SPATA6L: variants seen among roughly 807,000 people sequenced by gnomAD.
SPATA6L encodes spermatogenesis associated 6 like, also known as spermatogenesis associated 6-like protein.
Under a neutral mutation model 49.2 loss-of-function variants are expected in SPATA6L, and 68 were observed. That is an observed-to-expected ratio of 1.38 (90% CI 1.14 to 1.69). The LOEUF is 1.69. SPATA6L is among the 40% of genes most tolerant of loss of function. The pLI is 0.00. For missense variants in SPATA6L, 668 were observed against 464.3 expected, an observed-to-expected ratio of 1.44 and a Z score of -4.03; for synonymous variants, 198 against 165.7, an observed-to-expected ratio of 1.19 and a Z score of -1.50.
Position 4,635,380 on chromosome 9 carries a change from G to C in SPATA6L, c.246C>G (p.Tyr82Ter). 6.3e-7 allele frequency: 1 copy of C among 1,590,606 alleles called. No homozygotes were observed. Among genetic ancestry groups the C allele is most frequent in the Non-Finnish European group, 8.5e-7 (1 of 1,172,268 alleles). Reference sequence around the variant, plus strand: ...GAAAATCTCGTGTGTTTTCTTCGTAGTAGGCCAACTCATCCCACACTAGAA... The same window carrying C: ...GAAAATCTCGTGTGTTTTCTTCGTACTAGGCCAACTCATCCCACACTAGAA... ...DLLEMWDELA[Y>*]YEENTRDFLF... is the part of the protein sequence containing the mutation. Residue 82 changes from tyrosine to a stop codon, truncating the protein, a stop_gained, in exon 4 of 12, where the codon TAC (tyrosine) becomes TAG (stop). Coordinates refer to ENST00000682582, the MANE Select transcript of SPATA6L (RefSeq NM_001353486.2). LOFTEE classifies it high-confidence loss of function.
intron 2 of SPATA6L, 48 bp from the exon 3 acceptor site, chr9:4,656,137 G>A (rs1838120866): frequency 6.5e-7 from 1 of 1,529,540 alleles, no homozygotes; most frequent in Admixed American, 1.7e-5. Context: ...GTATTAATAA[G>A]CGCATATAGA....
At chr9:4,622,347 A>T in intron 7 of SPATA6L, 61 bp downstream of exon 7, 1 of 968,992 alleles carries the variant, frequency 1.0e-6, no homozygotes, top group Non-Finnish European at 1.7e-6. Context: ...ATGAAAGAGT[A>T]TACTCAGGAC....
intron 9 of SPATA6L, among the ~76,000 whole-genome samples, chr9:4,612,328 T>G (rs1334095728): frequency 6.6e-6 from 1 of 152,198 alleles, no homozygotes; most frequent in Non-Finnish European, 1.5e-5. Context: ...TCATTTACTT[T>G]AGGCCACCCA....
chr9:4,659,532 CACAA>C (rs1291262141), intron 2 of SPATA6L, among the ~76,000 whole-genome samples: 1 of 152,006 alleles, frequency 6.6e-6, no homozygotes, highest in Non-Finnish European at 1.5e-5. Flanking sequence ...AAAAAGAGGA[CACAA>C]ACAAACGGAA....
At chr9:4,621,293 G>A (rs919933229) in intron 7 of SPATA6L, among the ~76,000 whole-genome samples, 2 of 152,214 alleles carry the variant, frequency 1.3e-5, no homozygotes, top group Non-Finnish European at 2.9e-5. Flanking sequence ...GACTCTCAAT[G>A]TGTGGTCCAG....
At chr9:4,644,850 A>G (rs1408013101) in intron 3 of SPATA6L, among the ~76,000 whole-genome samples, 1 of 152,188 alleles carries the variant, frequency 6.6e-6, no homozygotes, top group Non-Finnish European at 1.5e-5. Context: ...CTCAAGACAC[A>G]CTGCATAGCA....
intron 3 of SPATA6L, among the ~76,000 whole-genome samples, chr9:4,647,486 G>A (rs920793444): frequency 1.3e-5 from 2 of 152,094 alleles, no homozygotes; most frequent in African/African-American, 4.8e-5. Context: ...CAGCTACTCG[G>A]GAGGCTGAGG....
chr9:4,630,995 T>A (rs960971082), intron 4 of SPATA6L, among the ~76,000 whole-genome samples: 8 of 152,196 alleles, frequency 5.3e-5, no homozygotes, highest in African/African-American at 1.9e-4. Flanking sequence ...TGCAGCTGCC[T>A]AATAGATTTT....
At chr9:4,657,527 G>C (rs1563721371) in intron 2 of SPATA6L, among the ~76,000 whole-genome samples, 1 of 150,856 alleles carries the variant, frequency 6.6e-6, no homozygotes, top group Non-Finnish European at 1.5e-5. Context: ...TTTGAGCACA[G>C]AAACTGTTTT....
rs978697468 is a variant in SPATA6L, at chr9:4,627,578, C to T, written c.429+1513G>A. 6.1e-5 allele frequency: 25 copies of T among 410,094 alleles called. 1 individual carries two copies. Among genetic ancestry groups the T allele is most frequent in the South Asian group, 4.7e-4 (23 of 48,448 alleles). The allele number at this position is 410,094 out of a possible 1,614,324, so 25.4% of individuals were successfully genotyped here. The stretch of plus-strand genomic sequence containing the variant: ...TATTTGGAGAAGCTTCACAAACTAC[C>T]TTTATTCCTTCTCCATCTTGTTCTA... On this transcript the variant is annotated intron_variant, in intron 5 of 11. Coordinates refer to ENST00000682582, the MANE Select transcript of SPATA6L (RefSeq NM_001353486.2).
At chr9:4,605,686 T>G (rs918493111) in intron 9 of SPATA6L, among the ~76,000 whole-genome samples, 1 of 152,226 alleles carries the variant, frequency 6.6e-6, no homozygotes, top group Non-Finnish European at 1.5e-5. Flanking sequence ...AGTGATTCTT[T>G]TCTTCTTTGT....
intron 5 of SPATA6L, 116 bp from the exon 6 acceptor site, chr9:4,625,682 C>T (rs1830216824): frequency 1.1e-5 from 7 of 636,220 alleles, no homozygotes; most frequent in South Asian, 4.1e-5. Context: ...AGATAACACA[C>T]CTCAGATTTA....
At chr9:4,601,396 G>A (rs912855328) in intron 11 of SPATA6L, among the ~76,000 whole-genome samples, 10 of 150,222 alleles carry the variant, frequency 6.7e-5, no homozygotes, top group Non-Finnish European at 1.5e-4. Context: ...TTTTTTGGAT[G>A]TTTGGTTTTT....
chr9:4,634,784 C>G (rs889209579), intron 4 of SPATA6L, among the ~76,000 whole-genome samples: 4 of 152,104 alleles, frequency 2.6e-5, no homozygotes, highest in East Asian at 1.9e-4. Flanking sequence ...AAATTATCAA[C>G]GGAATATCTG....
In SPATA6L at chr9:4,662,633, G is replaced by A; in HGVS notation, c.40-597C>T. 2 of 1,598,100 alleles carry A rather than the reference G, an allele frequency of 1.3e-6. No homozygotes were observed. Among genetic ancestry groups the A allele is most frequent in the Non-Finnish European group, 8.5e-7 (1 of 1,179,312 alleles). Reference sequence around the variant, plus strand: ...CCTCGCAGTCGCCCGCGCCTCCGCTGCCCGAGGAGGACCGCATGGACTTGA... The same window carrying A: ...CCTCGCAGTCGCCCGCGCCTCCGCTACCCGAGGAGGACCGCATGGACTTGA... On this transcript the variant is annotated intron_variant, in intron 1 of 11. Coordinates refer to ENST00000682582, the MANE Select transcript of SPATA6L (RefSeq NM_001353486.2). The surrounding 1 kb of genome is among the most constrained non-coding windows in gnomAD (Gnocchi z 4.9).
intron 1 of SPATA6L, chr9:4,663,534 G>T (rs964258268): frequency 5.1e-6 from 2 of 393,656 alleles, no homozygotes; most frequent in South Asian, 5.9e-5. Flanking sequence ...CAACTGCAAA[G>T]AAAACAAGCT....
intron 8 of SPATA6L, among the ~76,000 whole-genome samples, chr9:4,618,330 G>C (rs1828491128): frequency 6.6e-6 from 1 of 151,970 alleles, no homozygotes; most frequent in South Asian, 2.1e-4. Flanking sequence ...CTGTATGTTT[G>C]GGATATATTA....
At chr9:4,617,689 A>G (rs373408987) in intron 9 of SPATA6L, among the ~76,000 whole-genome samples, 16 of 152,236 alleles carry the variant, frequency 1.1e-4, no homozygotes, top group African/African-American at 3.9e-4. Context: ...ACAAATAAAA[A>G]TGGGTAGATA....
rs563054705 is a variant in SPATA6L at position 4,620,643 on chromosome 9, G to C, written c.773-1745C>G. Among the ~76,000 whole-genome samples the C allele has an allele frequency of 3.9e-5, 6 of 152,304 alleles. No homozygotes were observed. In the South Asian group the frequency reaches 1.2e-3, roughly 32 times the overall value. ...GGGATTCCAAGGATCTGAGCCCAGA[G>C]GTCTGAATGTCTTCTCTAAATGTAG... On this transcript the variant is annotated intron_variant, in intron 7 of 11. Coordinates refer to ENST00000682582, the MANE Select transcript of SPATA6L (RefSeq NM_001353486.2).
Sources: gnomAD v4.1 joint callset for allele counts (sites outside exome capture counted in the v4.1 genomes callset) on GRCh38, gnomAD v4.1.1 for gene constraint, Gnocchi (gnomAD v3.1) non-coding constraint, MANE v1.5 for transcripts, NCBI Gene and HGNC (gene_info 2026-07-23, HGNC 2026-07-21) for gene names.